Variants in FAM204A observed in about 807,000 individuals in gnomAD.
The protein encoded by FAM204A is protein FAM204A.
A neutral mutation model predicts 35.4 loss-of-function variants in FAM204A; 16 were observed. The observed-to-expected ratio is 0.45, with a 90% CI of 0.31 to 0.69. The LOEUF is 0.69. Among genes scored for constraint, FAM204A ranks in the 30% least tolerant of loss-of-function variants. The pLI is 0.07. For missense variants in FAM204A, 240 were observed against 265.7 expected, an observed-to-expected ratio of 0.90 and a Z score of 0.67; for synonymous variants, 76 against 86.9, an observed-to-expected ratio of 0.88 and a Z score of 0.70.
At chr10:118,339,621 T>A (rs1226062508) in intron 2 of FAM204A, among the ~76,000 whole-genome samples, 1 of 152,222 alleles carries the variant, frequency 6.6e-6, no homozygotes, top group Non-Finnish European at 1.5e-5. Flanking sequence ...ATGTATTAAT[T>A]CATAAGCTTT....
chr10:118,322,527 CAAAG>C lies in FAM204A; in HGVS notation c.543+3623_543+3626del, dbSNP rs1351782607. ...TCAGAAATATTAAGGTCCTGAGAAA[CAAAG>C]AAAAACTGAGGAACCATTCCAGATT... On this transcript the variant is annotated intron_variant, in intron 7 of 8. Transcript: ENST00000369183. 7.1e-5 allele frequency: 18 copies of C among 253,824 alleles called. No individual in the cohort carries two copies. The East Asian group carries it at 1.8e-3, about 26-fold the overall frequency. The allele number at this position is 253,824 out of a possible 1,614,324, so 15.7% of individuals were successfully genotyped here.
chr10:118,310,583 G>T lies in FAM204A; in HGVS notation c.*274C>A. ...CGCCAAAAGTGATTTTATACCAAGG[G>T]TCCATCCATACAAATAAACAAAATC... On this transcript the variant is annotated 3_prime_UTR_variant, in exon 9 of 9. Transcript: ENST00000369183. The T allele has an allele frequency of 2.5e-6, 1 of 394,440 alleles. No individual in the cohort carries two copies. The highest frequency in any genetic ancestry group is 4.4e-6 in the Non-Finnish European group (1 of 224,968). 24.4% of individuals were successfully genotyped at this position (394,440 alleles called of 1,614,324 possible).
chr10:118,315,648 C>T (rs754618580), intron 7 of FAM204A, among the ~76,000 whole-genome samples: 3 of 151,908 alleles, frequency 2.0e-5, no homozygotes, highest in Non-Finnish European at 2.9e-5. Context: ...TCAGTTTGGT[C>T]GACAATTCTT....
At chr10:118,333,468 G>A (rs1312308209) in intron 6 of FAM204A, among the ~76,000 whole-genome samples, 1 of 152,178 alleles carries the variant, frequency 6.6e-6, no homozygotes, top group Non-Finnish European at 1.5e-5. Flanking sequence ...ATTCTTTAAA[G>A]TTTATTTACT....
rs538334965 is a variant in FAM204A at position 118,308,580 on chromosome 10, A to G, written c.*2277T>C. 1.3e-5 allele frequency: 2 copies of G among 152,172 alleles called. No homozygotes were observed. Among genetic ancestry groups the G allele is most frequent in the Admixed American group, 6.5e-5 (1 of 15,276 alleles). 9.4% of individuals were successfully genotyped at this position (152,172 alleles called of 1,614,324 possible). A position where few individuals can be genotyped will look rare whatever the true frequency, so the allele number is the denominator to read the frequency against. On this transcript the variant is annotated 3_prime_UTR_variant, in exon 9 of 9. Coordinates refer to ENST00000369183, the MANE Select transcript of FAM204A (RefSeq NM_022063.3). ...ACATAACGTTTTAGAGCTTTCCACA[A>G]CCCATGCCCAGAAAGGAGTGACGAC...
intron 6 of FAM204A, among the ~76,000 whole-genome samples, chr10:118,333,507 A>G (rs1454162073): frequency 1.3e-5 from 2 of 152,222 alleles, no homozygotes; most frequent in African/African-American, 4.8e-5. Context: ...AAACTTTAGG[A>G]GGACAGCCAA....
chr10:118,319,541 T>A lies in FAM204A; in HGVS notation c.543+6613A>T, dbSNP rs528097573. Among the ~76,000 whole-genome samples the A allele has an allele frequency of 4.6e-5, 7 of 152,140 alleles. No individual in the cohort carries two copies. In the South Asian group the frequency reaches 1.4e-3, roughly 31 times the overall value. ...AAGAGGGTACCATTAAAATGAGATA[T>A]ATTTATCATTTCTACTTTTGATACA... On this transcript the variant is annotated intron_variant, in intron 7 of 8. Transcript: ENST00000369183.
chr10:118,326,089 A>G, intron 7 of FAM204A, 65 bp downstream of exon 7: 1 of 1,285,598 alleles, frequency 7.8e-7, no homozygotes, highest in East Asian at 2.3e-5. Context: ...AATGATCATA[A>G]AAAGAATACA....
At chr10:118,329,367 C>T (rs751352805) in intron 6 of FAM204A, among the ~76,000 whole-genome samples, 1 of 152,128 alleles carries the variant, frequency 6.6e-6, no homozygotes, top group Non-Finnish European at 1.5e-5. Flanking sequence ...ACAATGGGGT[C>T]CCCAGATGCT....
intron 6 of FAM204A, among the ~76,000 whole-genome samples, chr10:118,331,547 G>T (rs1846287747): frequency 6.6e-6 from 1 of 152,108 alleles, no homozygotes; most frequent in African/African-American, 2.4e-5. Flanking sequence ...AACATTGTGG[G>T]CTAACATCTA....
chr10:118,302,859 C>A lies in FAM204A; in HGVS notation c.*7998G>T, dbSNP rs1845823303. ...GCTTTCCTCTTTCCCATCCCAGACTCCCCGTGTAAGAAGCGGGTGCTGCTC... is the reference window on the plus strand; with the variant it reads ...GCTTTCCTCTTTCCCATCCCAGACTACCCGTGTAAGAAGCGGGTGCTGCTC... On this transcript the variant is annotated 3_prime_UTR_variant, in exon 9 of 9. Transcript: ENST00000369183. The A allele has an allele frequency of 1.3e-5, 2 of 152,238 alleles. No individual in the cohort carries two copies. The highest frequency in any genetic ancestry group is 1.3e-4 in the Admixed American group (2 of 15,282). The allele number at this position is 152,238 out of a possible 1,614,324, so 9.4% of individuals were successfully genotyped here.
At chr10:118,319,121 C>A (rs1846074106) in intron 7 of FAM204A, among the ~76,000 whole-genome samples, 1 of 151,978 alleles carries the variant, frequency 6.6e-6, no homozygotes, top group Non-Finnish European at 1.5e-5. Context: ...ACAGCATCCA[C>A]AGCACTTTTG....
intron 6 of FAM204A, among the ~76,000 whole-genome samples, chr10:118,333,451 T>C (rs930038775): frequency 3.9e-5 from 6 of 152,216 alleles, no homozygotes; most frequent in Admixed American, 6.5e-5. Context: ...GCATCTCCAA[T>C]GTGGACATTC....
intron 6 of FAM204A, among the ~76,000 whole-genome samples, chr10:118,327,700 C>A (rs1846220935): frequency 6.6e-6 from 1 of 152,166 alleles, no homozygotes; most frequent in African/African-American, 2.4e-5. Flanking sequence ...GCCTGTGTAC[C>A]AGGTCTGGTC....
chr10:118,340,198 T>A (rs1359012152), intron 2 of FAM204A, among the ~76,000 whole-genome samples: 3 of 152,158 alleles, frequency 2.0e-5, no homozygotes, highest in Admixed American at 2.0e-4. Context: ...CTGATTTTTA[T>A]CAGAAAAAAA....
intron 7 of FAM204A, among the ~76,000 whole-genome samples, chr10:118,314,162 T>A (rs922019376): frequency 1.3e-5 from 2 of 152,228 alleles, no homozygotes; most frequent in African/African-American, 4.8e-5. Flanking sequence ...GAGGGCTCCA[T>A]CATTTTGTGA....
Position 118,331,219 on chromosome 10 carries a change from G to A in FAM204A, c.453+3895C>T, listed in dbSNP as rs545482598. On this transcript the variant is annotated intron_variant, in intron 6 of 8. Coordinates refer to ENST00000369183, the MANE Select transcript of FAM204A (RefSeq NM_022063.3). ...AAGGCTTTTTGAAAAGTTTTAAGCTGGACTCAAGAGTAGCCTTTATTTGAC... is the reference window on the plus strand; with the variant it reads ...AAGGCTTTTTGAAAAGTTTTAAGCTAGACTCAAGAGTAGCCTTTATTTGAC... Among the ~76,000 whole-genome samples the A allele has an allele frequency of 3.2e-4, 49 of 152,132 alleles. No individual in the cohort carries two copies. The Middle Eastern group carries it at 0.014, about 42-fold the overall frequency.
intron 2 of FAM204A, among the ~76,000 whole-genome samples, chr10:118,339,670 A>T (rs1846443287): frequency 1.3e-5 from 2 of 152,222 alleles, no homozygotes; most frequent in Admixed American, 6.5e-5. Context: ...TTTTCAATTT[A>T]ATCATTTTAG....
At chr10:118,313,491 T>G (rs1483771165) in intron 7 of FAM204A, among the ~76,000 whole-genome samples, 1 of 152,204 alleles carries the variant, frequency 6.6e-6, no homozygotes, top group East Asian at 1.9e-4. Context: ...TACAGCAGGC[T>G]ATGAAGGGAG....
Sources: allele counts gnomAD v4.1 joint callset (sites outside exome capture counted in the v4.1 genomes callset), GRCh38; gene constraint gnomAD v4.1.1; transcripts MANE v1.5; gene names NCBI Gene and HGNC (gene_info 2026-07-23, HGNC 2026-07-21).